C4BPA: variants seen among roughly 807,000 people sequenced by gnomAD.
C4BPA encodes the protein complement component 4 binding protein alpha, also known as C4b-binding protein alpha chain.
Under a neutral mutation model 63.7 loss-of-function variants are expected in C4BPA, and 31 were observed. The observed-to-expected ratio is 0.49, with a 90% confidence interval of 0.37 to 0.66. The LOEUF is 0.66. C4BPA is among the 30% of genes least tolerant of loss of function. The pLI is 0.00. For missense variants in C4BPA, 572 were observed against 723.3 expected, an observed-to-expected ratio of 0.79 and a Z score of 2.40; for synonymous variants, 259 against 254.7, an observed-to-expected ratio of 1.02 and a Z score of -0.16.
chr1:207,121,936 G>A (rs950118465), intron 4 of C4BPA, among the ~76,000 whole-genome samples: 13 of 152,136 alleles, frequency 8.5e-5, no homozygotes, highest in African/African-American at 2.7e-4. Context: ...ATTCATATGT[G>A]TCTATGGTTG....
rs768900889 is a variant in C4BPA at position 207,115,460 on chromosome 1, G to A, written c.373G>A (p.Glu125Lys). 6.2e-7 allele frequency: 1 copy of A among 1,600,924 alleles called. No individual in the cohort carries two copies. Among genetic ancestry groups the A allele is most frequent in the Non-Finnish European group, 8.5e-7 (1 of 1,176,052 alleles). The change falls in exon 4 of 12, where the codon GAG becomes AAG. Residue 125 changes from glutamate to lysine, a missense_variant. Around this residue, in one of 2 missense-constraint regions of C4BPA, gnomAD observed 465 missense variants for 629.4 expected, o/e 0.74. Transcript: ENST00000367070. The part of the protein sequence containing the change: ...HPGELRNGQV[E>K]IKTDLSFGSQ... ...AGGAGAGTTACGTAATGGGCAAGTA[G>A]AGATTAAGACAGATTTATCTTTTGG...
chr1:207,114,363 CT>C, intron 3 of C4BPA, 78 bp downstream of exon 3: 1 of 1,105,568 alleles, frequency 9.0e-7, no homozygotes, highest in Non-Finnish European at 1.3e-6. Context: ...TTTTCTGAAT[CT>C]TTAGTCACCA....
In C4BPA at chr1:207,126,795, T is replaced by C. The variant is rs1685053641; in HGVS notation, c.789T>C (p.Ile263=). ...FGPIYNYKDT[I]VFKCQKGFVL... is the part of the protein sequence containing the mutation. ...CCATCTATAATTACAAAGACACTAT[T>C]GTGTTTAAGTGCCAAAAAGGTTTTG... The change falls in exon 7 of 12, where the codon ATT becomes ATC. Residue 263 remains isoleucine, a synonymous_variant. Transcript: ENST00000367070. 1 of 1,612,626 alleles carries C rather than the reference T, an allele frequency of 6.2e-7. No individual in the cohort carries two copies. The highest frequency in any genetic ancestry group is 8.5e-7 in the Non-Finnish European group (1 of 1,178,938).
chr1:207,115,321 A>G, intron 3 of C4BPA, 95 bp from the exon 4 acceptor site: 2 of 655,008 alleles, frequency 3.1e-6, no homozygotes, highest in Admixed American at 6.6e-5. Flanking sequence ...GTGTTTCTGG[A>G]AGCAGAGGTG....
intron 6 of C4BPA, among the ~76,000 whole-genome samples, chr1:207,124,605 A>AT (rs1684996338): frequency 6.6e-6 from 1 of 152,192 alleles, no homozygotes; most frequent in South Asian, 2.1e-4. Flanking sequence ...CAGCAACAAC[A>AT]TCTCACTGGT....
rs151108669 is a variant in C4BPA, at chr1:207,143,827, G to A, written c.1454G>A (p.Arg485Gln). ...APAPQCKALC[R>Q]KPELVNGRLS... ...TATGTTTCCATTACAGCTCTGTGTC[G>A]GAAACCAGAATTAGTGAATGGAAGG... is the stretch of plus-strand genomic sequence containing the variant. The change falls in exon 11 of 12, where the codon CGG (arginine) becomes CAG (glutamine). Residue 485 changes from arginine (R) to glutamine (Q), a missense_variant. Coordinates refer to ENST00000367070, the MANE Select transcript of C4BPA (RefSeq NM_000715.4). 3.8e-4 allele frequency: 616 copies of A among 1,611,594 alleles called. 3 individuals carry two copies. The African/African-American group carries it at 6.8e-3, about 18-fold the overall frequency.
At chr1:207,131,019 G>C (rs574330463) in intron 7 of C4BPA, among the ~76,000 whole-genome samples, 5 of 152,286 alleles carry the variant, frequency 3.3e-5, no homozygotes, top group Admixed American at 3.3e-4. Flanking sequence ...CATCCAACGT[G>C]GTAGATGTTT....
intron 1 of C4BPA, among the ~76,000 whole-genome samples, chr1:207,110,211 T>A (rs1263889472): frequency 1.3e-5 from 2 of 151,968 alleles, no homozygotes; most frequent in Non-Finnish European, 2.9e-5. Context: ...CTTGCTTGGA[T>A]AGGAGGGAAT....
intron 7 of C4BPA, chr1:207,127,418 A>G (rs1203825714): frequency 6.6e-6 from 1 of 152,238 alleles, no homozygotes; most frequent in Non-Finnish European, 1.5e-5. Flanking sequence ...GACTAGGTGC[A>G]TAACAAGGAT....
At chr1:207,128,676 A>C (rs1232215707) in intron 7 of C4BPA, among the ~76,000 whole-genome samples, 1 of 152,220 alleles carries the variant, frequency 6.6e-6, no homozygotes, top group East Asian at 1.9e-4. Context: ...TACATGCCCA[A>C]GTCTGTGCTG....
chr1:207,113,020 C>T lies in C4BPA; in HGVS notation c.-6C>T. 6.4e-7 allele frequency: 1 copy of T among 1,565,376 alleles called. No homozygotes were observed. The highest frequency in any genetic ancestry group is 8.6e-7 in the Non-Finnish European group (1 of 1,164,012). ...CAGCAGAAAAACATCAGCGAAGCAG[C>T]AGGCCATGCACCCCCCAAAAACTCC... On this transcript the variant is annotated 5_prime_UTR_variant, in exon 2 of 12. Coordinates refer to ENST00000367070, the MANE Select transcript of C4BPA (RefSeq NM_000715.4).
intron 4 of C4BPA, among the ~76,000 whole-genome samples, chr1:207,116,137 A>G (rs1430895650): frequency 6.6e-6 from 1 of 152,204 alleles, no homozygotes; most frequent in African/African-American, 2.4e-5. Context: ...ATGGTTTTGC[A>G]GAGTATGTAA....
intron 9 of C4BPA, among the ~76,000 whole-genome samples, chr1:207,134,881 G>A (rs1452882226): frequency 6.6e-6 from 1 of 151,984 alleles, no homozygotes; most frequent in Non-Finnish European, 1.5e-5. Flanking sequence ...CTTATTTCTG[G>A]TCCATATGTC....
At chr1:207,124,065 C>A in intron 5 of C4BPA, 58 bp downstream of exon 5, 5 of 1,483,694 alleles carry the variant, frequency 3.4e-6, no homozygotes, top group Non-Finnish European at 2.8e-6. Flanking sequence ...GTAATAAAGT[C>A]CCTGTGCATC....
intron 8 of C4BPA, among the ~76,000 whole-genome samples, chr1:207,134,087 A>G (rs553488686): frequency 2.0e-5 from 3 of 152,268 alleles, no homozygotes; most frequent in East Asian, 3.9e-4. Flanking sequence ...GGCTCAAGCA[A>G]TCCTCCCATT....
chr1:207,133,523 G>T (rs1685209109), intron 8 of C4BPA, among the ~76,000 whole-genome samples: 1 of 152,220 alleles, frequency 6.6e-6, no homozygotes, highest in South Asian at 2.1e-4. Context: ...CAGCACTTTG[G>T]GAGGCCGAGG....
chr1:207,117,699 G>C (rs564131965), intron 4 of C4BPA, among the ~76,000 whole-genome samples: 1 of 152,250 alleles, frequency 6.6e-6, no homozygotes, highest in East Asian at 1.9e-4. Context: ...TTTGTACAAA[G>C]TTTCTTTGTA....
At chr1:207,129,448 A>G (rs1199724678) in intron 7 of C4BPA, among the ~76,000 whole-genome samples, 2 of 151,610 alleles carry the variant, frequency 1.3e-5, no homozygotes, top group African/African-American at 4.8e-5. Flanking sequence ...GAACAAAACA[A>G]CACATTAATC....
chr1:207,125,941 G>T (rs971635525), intron 6 of C4BPA, among the ~76,000 whole-genome samples: 1 of 152,072 alleles, frequency 6.6e-6, no homozygotes, highest in Non-Finnish European at 1.5e-5. Context: ...TGGGTGAGGG[G>T]TGTGAGATAG....
Sources: gnomAD v4.1 joint callset for allele counts (sites outside exome capture counted in the v4.1 genomes callset) on GRCh38, gnomAD v4.1.1 for gene constraint, gnomAD v4.1.1 regional missense constraint, MANE v1.5 for transcripts, NCBI Gene and HGNC (gene_info 2026-07-23, HGNC 2026-07-21) for gene names.